Variants in KLF7 observed in about 807,000 individuals in gnomAD.
The protein encoded by KLF7 is Krueppel-like factor 7.
A neutral mutation model predicts 27.3 loss-of-function variants in KLF7; 2 were observed. The observed-to-expected ratio is 0.07, with a 90% confidence interval of 0.03 to 0.23. KLF7 has a LOEUF of 0.23. KLF7 is among the 10% of genes least tolerant of loss of function. The pLI, the probability that KLF7 is intolerant of heterozygous loss-of-function variation, is 1.00. For missense variants in KLF7, 221 were observed against 394.1 expected, an observed-to-expected ratio of 0.56 and a Z score of 3.72; for synonymous variants, 165 against 162.4, an observed-to-expected ratio of 1.02 and a Z score of -0.12.
At chr2:207,152,493 T>A (rs975784766) in intron 1 of KLF7, among the ~76,000 whole-genome samples, 1 of 152,096 alleles carries the variant, frequency 6.6e-6, no homozygotes, top group African/African-American at 2.4e-5. Flanking sequence ...AGTTTCCAAA[T>A]TGGAAAATGT....
chr2:207,139,561 C>T (rs1205425762), intron 1 of KLF7, among the ~76,000 whole-genome samples: 1 of 152,088 alleles, frequency 6.6e-6, no homozygotes, highest in Admixed American at 6.6e-5. Flanking sequence ...TCCAACAAAC[C>T]ATTATCTCTT....
Position 207,123,817 on chromosome 2 carries a change from A to G in KLF7, c.690T>C (p.Tyr230=). Residue 230 remains tyrosine, a synonymous_variant, in exon 2 of 4, where the codon TAT becomes TAC. Transcript: ENST00000309446. ...GGGCCTTTAAGTGGGAGCTTTTTGT[A>G]TAAACTTTCCGGCACCCGTTAAACT... ...RCQFNGCRKV[Y]TKSSHLKAHQ... is the part of the protein sequence containing the mutation. The G allele has an allele frequency of 6.2e-7, 1 of 1,614,110 alleles. No homozygotes were observed. Among genetic ancestry groups the G allele is most frequent in the Middle Eastern group, 1.7e-4 (1 of 6,052 alleles).
At chr2:207,166,664 C>T (rs2078721875), upstream of KLF7, 4 of 371,222 alleles carry the variant, frequency 1.1e-5, no homozygotes, top group African/African-American at 4.4e-5. Context: ...GCCGAGGGCG[C>T]GGAGCGGGAA....
chr2:207,167,063 A>G (rs1233115438), upstream of KLF7: 21 of 1,270,644 alleles, frequency 1.7e-5, 1 homozygote, highest in South Asian at 3.7e-5. Flanking sequence ...TAAAGAGGCT[A>G]GAGGGAGCCT....
At chr2:207,143,087 TA>T (rs1316728273) in intron 1 of KLF7, among the ~76,000 whole-genome samples, 2 of 152,074 alleles carry the variant, frequency 1.3e-5, no homozygotes, top group African/African-American at 4.8e-5. Flanking sequence ...ACTCCCAATT[TA>T]GAAAACAACA....
chr2:207,167,101 C>T (rs1236416038), upstream of KLF7: 18 of 1,403,634 alleles, frequency 1.3e-5, no homozygotes, highest in Non-Finnish European at 1.6e-5. Context: ...AAGCTGGAGC[C>T]GGCAGCTTGC....
chr2:207,096,450 A>G (rs2076633019), intron 2 of KLF7, among the ~76,000 whole-genome samples: 1 of 152,242 alleles, frequency 6.6e-6, no homozygotes, highest in Non-Finnish European at 1.5e-5. Flanking sequence ...ATCTGTTTTT[A>G]GCATCTCTGT....
upstream of KLF7, chr2:207,165,961 A>G: frequency 2.9e-6 from 3 of 1,020,530 alleles, no homozygotes; most frequent in Non-Finnish European, 3.5e-6. Context: ...CTCCTAATGC[A>G]ATCTTTGCTC....
chr2:207,129,880 A>G (rs1479516240), intron 1 of KLF7, among the ~76,000 whole-genome samples: 2 of 152,368 alleles, frequency 1.3e-5, no homozygotes, highest in Admixed American at 6.5e-5. Flanking sequence ...AAGTTGAAAG[A>G]AAACAGGATA....
At chr2:207,124,707 A>G (rs969982174) in intron 1 of KLF7, among the ~76,000 whole-genome samples, 1 of 152,174 alleles carries the variant, frequency 6.6e-6, no homozygotes, top group Admixed American at 6.5e-5. Context: ...CCTCAATCCA[A>G]TTCAGCAGGT....
chr2:207,091,983 C>T (rs569176071), intron 2 of KLF7, among the ~76,000 whole-genome samples: 6 of 150,986 alleles, frequency 4.0e-5, no homozygotes, highest in Non-Finnish European at 7.4e-5. Context: ...AAAAGAAAGG[C>T]TTTCTTTATG....
At chr2:207,119,583 T>C (rs1174890332) in intron 2 of KLF7, among the ~76,000 whole-genome samples, 2 of 152,206 alleles carry the variant, frequency 1.3e-5, no homozygotes, top group East Asian at 3.9e-4. Flanking sequence ...GAAAAATATA[T>C]GAAGACCAGA....
chr2:207,137,848 G>C (rs76224264), intron 1 of KLF7, among the ~76,000 whole-genome samples: 9,017 of 152,266 alleles, frequency 0.059, 375 homozygotes, highest in Non-Finnish European at 0.092. Context: ...CCTGGCTGGG[G>C]AAAGATGAGG....
chr2:207,114,606 G>T (rs913521623), intron 2 of KLF7, among the ~76,000 whole-genome samples: 1 of 152,164 alleles, frequency 6.6e-6, no homozygotes, highest in African/African-American at 2.4e-5. Context: ...ATAGAATCCT[G>T]CATTTTTTAG....
In KLF7 at chr2:207,081,208, GT is replaced by G. The variant is rs770446594; in HGVS notation, c.*4del. On this transcript the variant is annotated 3_prime_UTR_variant, in exon 4 of 4. Transcript: ENST00000309446. ...ATGCCATGGCAACTCTGGCCTTTCG[GT>G]TTTTTAGATATGTCTCTTCATGTGG... is the stretch of plus-strand genomic sequence containing the variant. The G allele has an allele frequency of 6.2e-7, 1 of 1,613,880 alleles. No individual in the cohort carries two copies. Among genetic ancestry groups the G allele is most frequent in the South Asian group, 1.1e-5 (1 of 91,082 alleles).
Position 207,165,658 on chromosome 2 carries a change from A to G in KLF7, c.-90T>C. The G allele has an allele frequency of 1.3e-6, 2 of 1,583,904 alleles. No individual in the cohort carries two copies. Among genetic ancestry groups the G allele is most frequent in the Admixed American group, 3.7e-5 (2 of 54,566 alleles). On this transcript the variant is annotated 5_prime_UTR_variant, in exon 1 of 4. Transcript: ENST00000309446. ...TGTCAGTCTGTCTGGCTCACCCCCCAAGAAGGCAGACATCCAGTGGCCCTT... is the reference window on the plus strand; with the variant it reads ...TGTCAGTCTGTCTGGCTCACCCCCCGAGAAGGCAGACATCCAGTGGCCCTT...
intron 1 of KLF7, among the ~76,000 whole-genome samples, chr2:207,142,538 T>C (rs2077972543): frequency 6.6e-6 from 1 of 152,198 alleles, no homozygotes; most frequent in Non-Finnish European, 1.5e-5. Flanking sequence ...CACATGCGAC[T>C]AAGCACTAGG....
chr2:207,167,003 A>C, upstream of KLF7: 2 of 767,806 alleles, frequency 2.6e-6, no homozygotes, highest in South Asian at 5.0e-5. Context: ...CCTGGTCGGG[A>C]GTCCGGCGGC....
chr2:207,157,798 T>C (rs2106129186), intron 1 of KLF7, among the ~76,000 whole-genome samples: 1 of 152,358 alleles, frequency 6.6e-6, no homozygotes, highest in African/African-American at 2.4e-5. Flanking sequence ...TCTTTTCACC[T>C]AATTTTTTAT....
Sources: gnomAD v4.1 joint callset for allele counts (sites outside exome capture counted in the v4.1 genomes callset) on GRCh38, gnomAD v4.1.1 for gene constraint, MANE v1.5 for transcripts, NCBI Gene and HGNC (gene_info 2026-07-23, HGNC 2026-07-21) for gene names.